The following TBC1D19 variants were observed in gnomAD, a reference collection of about 807,000 sequenced individuals.
TBC1D19 encodes the protein TBC1 domain family, member 19.
In TBC1D19, 60 loss-of-function variants were observed where a neutral mutation model predicts 89.0. The ratio of observed to expected loss-of-function variants is 0.67; its 90% CI spans 0.55 to 0.84. TBC1D19 has a LOEUF of 0.84. TBC1D19 is among the 40% of genes least tolerant of loss of function. The probability of loss-of-function intolerance (pLI) is 0.00; values close to 1 mark genes in which losing one functional copy is unlikely to be tolerated. For synonymous variants in TBC1D19, 189 were observed against 199.7 expected, an observed-to-expected ratio of 0.95 and a Z score of 0.45; for missense variants, 500 against 610.8, an observed-to-expected ratio of 0.82 and a Z score of 1.91.
Position 26,745,497 on chromosome 4 carries a change from C to CTTTTTTT in TBC1D19, c.1320-2892_1320-2886dup, listed in dbSNP as rs71186486. Among the ~76,000 whole-genome samples, 57 of 40,600 alleles carry CTTTTTTT rather than the reference C, an allele frequency of 1.4e-3. 16 individuals carry two copies. The highest frequency in any genetic ancestry group is 8.1e-3 in the East Asian group (8 of 982). 26.6% of individuals were successfully genotyped at this position (40,600 alleles called of 152,430 possible). Reference sequence around the variant, plus strand: ...GTGCCATGAGGTTTACAATATACTTCTTTTTTTTTTTTTTTTTTTTTTTTT... The same window carrying CTTTTTTT: ...GTGCCATGAGGTTTACAATATACTTCTTTTTTTTTTTTTTTTTTTTTTTTTTTTTTTT... On this transcript the variant is annotated intron_variant, in intron 18 of 20. Coordinates refer to ENST00000264866, the MANE Select transcript of TBC1D19 (RefSeq NM_018317.4).
chr4:26,594,793 C>T lies in TBC1D19; in HGVS notation c.99+10501C>T, dbSNP rs1740094472. Among the ~76,000 whole-genome samples the T allele has an allele frequency of 2.6e-5, 4 of 152,190 alleles. No individual in the cohort carries two copies. In the South Asian group the frequency reaches 6.2e-4, roughly 24 times the overall value. ...CTAAATAATAAATATCCTCCTCAACCCCTCGGTCTCTCTGATTCCCTAAAA... is the reference window on the plus strand; with the variant it reads ...CTAAATAATAAATATCCTCCTCAACTCCTCGGTCTCTCTGATTCCCTAAAA... On this transcript the variant is annotated intron_variant, in intron 1 of 20. Transcript: ENST00000264866.
rs1048157891 is a variant in TBC1D19 at position 26,755,640 on chromosome 4, CT to C, written c.*695del. Among the ~76,000 whole-genome samples, 1 of 152,192 alleles carries C rather than the reference CT, an allele frequency of 6.6e-6. No homozygotes were observed. Among genetic ancestry groups the C allele is most frequent in the Non-Finnish European group, 1.5e-5 (1 of 68,020 alleles). ...AGGTGATCCCTTTTCACTTCTCAAC[CT>C]TCCTTCTCTTGCTTAGAAGACTTGA... On this transcript the variant is annotated 3_prime_UTR_variant, in exon 21 of 21. Transcript: ENST00000264866.
chr4:26,822,150 A>G, the TBC1D19 span, among the ~76,000 whole-genome samples: 1 of 152,242 alleles, frequency 6.6e-6, no homozygotes, highest in Non-Finnish European at 1.5e-5. Context: ...TTAAGCTGTC[A>G]GTCGCTGGGG....
At chr4:26,688,917 T>C (rs1714044373) in intron 13 of TBC1D19, among the ~76,000 whole-genome samples, 1 of 152,076 alleles carries the variant, frequency 6.6e-6, no homozygotes, top group South Asian at 2.1e-4. Context: ...GTAATTTATA[T>C]AGAATTGCTT....
rs1413773537 is a variant in TBC1D19, at chr4:26,736,633, C to G, written c.1117+1146C>G. 3.3e-5 allele frequency among the ~76,000 whole-genome samples: 5 copies of G among 152,226 alleles called. No individual in the cohort carries two copies. In the East Asian group the frequency reaches 9.7e-4, roughly 29 times the overall value. On this transcript the variant is annotated intron_variant, in intron 16 of 20. Transcript: ENST00000264866. ...TAGAGATACATATTAATATTTAGCT[C>G]TAATAGGTGTAAAATCAGATGGCTT...
At chr4:26,700,124 G>T (rs1161090411) in intron 13 of TBC1D19, among the ~76,000 whole-genome samples, 1 of 151,990 alleles carries the variant, frequency 6.6e-6, no homozygotes, top group African/African-American at 2.4e-5. Flanking sequence ...AGGACAACAT[G>T]CTCACCAACA....
At position 26,705,745 on chromosome 4, in the gene TBC1D19, A is replaced by G. The variant is rs1715687431; in HGVS notation, c.955-12188A>G. On this transcript the variant is annotated intron_variant, in intron 13 of 20. Transcript: ENST00000264866. ...TGGAAGAAATAGGAATCTTCCAGAT[A>G]TGTTCTTCTTTTTTCAACATTGTTT... Among the ~76,000 whole-genome samples, 3 of 152,240 alleles carry G rather than the reference A, an allele frequency of 2.0e-5. No individual in the cohort carries two copies. In the East Asian group the frequency reaches 5.8e-4, roughly 29 times the overall value.
At chr4:26,741,007 C>T (rs967091869) in intron 17 of TBC1D19, 2 of 916,654 alleles carry the variant, frequency 2.2e-6, no homozygotes, top group Non-Finnish European at 2.6e-6. Flanking sequence ...TTGTTCTTAT[C>T]TTACTTTAAT....
the TBC1D19 span, among the ~76,000 whole-genome samples, chr4:26,834,732 G>A: frequency 1.3e-5 from 2 of 152,102 alleles, no homozygotes; most frequent in Non-Finnish European, 2.9e-5. Context: ...ATCCATTGAG[G>A]GATGATGTTT....
chr4:26,799,988 A>G, the TBC1D19 span, among the ~76,000 whole-genome samples: 1 of 152,038 alleles, frequency 6.6e-6, no homozygotes, highest in South Asian at 2.1e-4. Context: ...CCTGTTGGAC[A>G]TTTACATTTC....
At chr4:26,775,485 A>G in the TBC1D19 span, among the ~76,000 whole-genome samples, 1 of 152,142 alleles carries the variant, frequency 6.6e-6, no homozygotes, top group African/African-American at 2.4e-5. Flanking sequence ...TTAATTGCCA[A>G]TATAATGGTA....
At chr4:26,639,131 C>T (rs1743321852) in intron 6 of TBC1D19, among the ~76,000 whole-genome samples, 1 of 152,164 alleles carries the variant, frequency 6.6e-6, no homozygotes, top group Non-Finnish European at 1.5e-5. Context: ...TCACTTTAAC[C>T]TCAAGCTCCT....
At chr4:26,616,173 C>T (rs924187342) in intron 3 of TBC1D19, among the ~76,000 whole-genome samples, 8 of 151,902 alleles carry the variant, frequency 5.3e-5, no homozygotes, top group South Asian at 2.1e-4. Flanking sequence ...CTTTCATTAC[C>T]GATAAAGACT....
chr4:26,582,964 T>C (rs1249841394), upstream of TBC1D19, among the ~76,000 whole-genome samples: 1 of 152,234 alleles, frequency 6.6e-6, no homozygotes, highest in Non-Finnish European at 1.5e-5. Context: ...CATAATTTCT[T>C]GGACTTGTCA....
rs985461050 is a variant in TBC1D19, at chr4:26,755,507, C to A, written c.*560C>A. ...TACACCCCAGGGATTTTCTACATTTCTCTCCATTTTATTTCTCTCTTTAAA... is the reference window on the plus strand; with the variant it reads ...TACACCCCAGGGATTTTCTACATTTATCTCCATTTTATTTCTCTCTTTAAA... On this transcript the variant is annotated 3_prime_UTR_variant, in exon 21 of 21. Transcript: ENST00000264866. Among the ~76,000 whole-genome samples, 3 of 152,086 alleles carry A rather than the reference C, an allele frequency of 2.0e-5. No homozygotes were observed. Among genetic ancestry groups the A allele is most frequent in the African/African-American group, 7.2e-5 (3 of 41,442 alleles).
the TBC1D19 span, among the ~76,000 whole-genome samples, chr4:26,816,727 A>G: frequency 6.6e-6 from 1 of 152,216 alleles, no homozygotes; most frequent in Non-Finnish European, 1.5e-5. Flanking sequence ...TGCAGTTTTT[A>G]CCATGACTTT....
At chr4:26,795,393 C>G in the TBC1D19 span, among the ~76,000 whole-genome samples, 2 of 152,160 alleles carry the variant, frequency 1.3e-5, no homozygotes, top group Admixed American at 1.3e-4. Context: ...TTATATTGAT[C>G]ACCATTTAAT....
the TBC1D19 span, among the ~76,000 whole-genome samples, chr4:26,833,314 G>A: frequency 6.6e-5 from 10 of 152,116 alleles, no homozygotes; most frequent in South Asian, 2.1e-4. Flanking sequence ...GGGAGTGTGC[G>A]TCAGCTTTAT....
rs1301177075 is a variant in TBC1D19 at position 26,742,526 on chromosome 4, C to A, written c.1246C>A (p.Leu416Met). ...TATCCAGGGTATTGTGTCACTCTGTCTGCTGTTTGAAACTCTTCTTCAAAC... is the reference window on the plus strand; with the variant it reads ...TATCCAGGGTATTGTGTCACTCTGTATGCTGTTTGAAACTCTTCTTCAAAC... ...SHPSGIVSLC[L>M]LFETLLQTYL... Residue 416 changes from leucine (L) to methionine (M), a missense_variant, in exon 18 of 21, where the codon CTG becomes ATG. This residue lies in a region of TBC1D19 where 220 missense variants were observed against 319.1 expected (regional missense o/e 0.69). Transcript: ENST00000264866. 1 of 1,611,654 alleles carries A rather than the reference C, an allele frequency of 6.2e-7. No individual in the cohort carries two copies. Among genetic ancestry groups the A allele is most frequent in the East Asian group, 2.2e-5 (1 of 44,728 alleles).
Sources: gnomAD v4.1 joint callset for allele counts (sites outside exome capture counted in the v4.1 genomes callset) on GRCh38, gnomAD v4.1.1 for gene constraint, gnomAD v4.1.1 regional missense constraint, MANE v1.5 for transcripts, NCBI Gene and HGNC (gene_info 2026-07-23, HGNC 2026-07-21) for gene names.